Variants in UNC5C observed in about 807,000 individuals in gnomAD.
The protein encoded by UNC5C is netrin receptor UNC5C.
Under a neutral mutation model 99.8 loss-of-function variants are expected in UNC5C, and 47 were observed. The observed-to-expected ratio is 0.47, with a 90% CI of 0.37 to 0.60. The LOEUF (loss-of-function observed/expected upper bound fraction) is 0.60. UNC5C is among the 20% of genes least tolerant of loss of function. The pLI, the probability that UNC5C is intolerant of heterozygous loss-of-function variation, is 0.00. For synonymous variants in UNC5C, 487 were observed against 452.2 expected, an observed-to-expected ratio of 1.08 and a Z score of -0.98; for missense variants, 1,062 against 1,165.9, an observed-to-expected ratio of 0.91 and a Z score of 1.30.
At position 95,360,637 on chromosome 4, in the gene UNC5C, A is replaced by G. The variant is rs571008631; in HGVS notation, c.125-25006T>C. Among the ~76,000 whole-genome samples the G allele has an allele frequency of 7.2e-5, 11 of 152,308 alleles. No individual in the cohort carries two copies. The South Asian group carries it at 2.3e-3, about 32-fold the overall frequency. On this transcript the variant is annotated intron_variant, in intron 1 of 15. Coordinates refer to ENST00000453304, the MANE Select transcript of UNC5C (RefSeq NM_003728.4). ...TAGTGTGCTTCTTCAGAATATCTAC[A>G]ATACAAAACAATGATTATGAGCTAA...
chr4:95,503,511 T>C (rs1347451891), intron 1 of UNC5C, among the ~76,000 whole-genome samples: 2 of 152,282 alleles, frequency 1.3e-5, no homozygotes, highest in East Asian at 3.9e-4. Flanking sequence ...TTGTAATTTA[T>C]TGTCTATTAG....
At chr4:95,468,324 CT>C (rs1336922819) in intron 1 of UNC5C, among the ~76,000 whole-genome samples, 1 of 152,020 alleles carries the variant, frequency 6.6e-6, no homozygotes, top group South Asian at 2.1e-4. Flanking sequence ...TCTTCTCTGT[CT>C]TTTTTTATTA....
chr4:95,475,653 GC>G (rs1748122906), intron 1 of UNC5C, among the ~76,000 whole-genome samples: 1 of 152,010 alleles, frequency 6.6e-6, no homozygotes, highest in African/African-American at 2.4e-5. Flanking sequence ...TAAGTCCATT[GC>G]CCCTTTAAAC....
intron 1 of UNC5C, among the ~76,000 whole-genome samples, chr4:95,507,564 G>A (rs1205030839): frequency 9.9e-5 from 15 of 151,888 alleles, no homozygotes; most frequent in African/African-American, 3.1e-4. Context: ...AGCACTTAGC[G>A]GATCCCAAGA....
At chr4:95,376,112 G>A (rs1314855020) in intron 1 of UNC5C, among the ~76,000 whole-genome samples, 2 of 151,710 alleles carry the variant, frequency 1.3e-5, no homozygotes, top group African/African-American at 2.4e-5. Context: ...CAGAATCAAT[G>A]TTTGATTCAT....
At chr4:95,288,094 A>ATTTATTTAT (rs1347362179) in intron 3 of UNC5C, among the ~76,000 whole-genome samples, 1 of 151,160 alleles carries the variant, frequency 6.6e-6, no homozygotes, top group Admixed American at 6.6e-5. Context: ...TTATTTATTT[A>ATTTATTTAT]TTTTTTGAGA....
chr4:95,245,655 TA>T (rs1295922166), intron 5 of UNC5C, among the ~76,000 whole-genome samples: 1 of 152,170 alleles, frequency 6.6e-6, no homozygotes, highest in African/African-American at 2.4e-5. Context: ...GGTTAAAAAA[TA>T]AAATCTTACA....
chr4:95,409,197 C>T (rs1440527259), intron 1 of UNC5C, among the ~76,000 whole-genome samples: 2 of 152,152 alleles, frequency 1.3e-5, no homozygotes, highest in African/African-American at 4.8e-5. Context: ...AAATAACAAG[C>T]ATTACTATTC....
At position 95,234,375 on chromosome 4, in the gene UNC5C, G is replaced by A. The variant is rs551462848; in HGVS notation, c.1108+8054C>T. 4.5e-3 allele frequency among the ~76,000 whole-genome samples: 549 copies of A among 122,556 alleles called. 2 individuals carry two copies. Among genetic ancestry groups the A allele is most frequent in the Middle Eastern group, 0.014 (4 of 276 alleles). 80.4% of individuals were successfully genotyped at this position (122,556 alleles called of 152,430 possible). A position where few individuals can be genotyped will look rare whatever the true frequency, so the allele number is the denominator to read the frequency against. On this transcript the variant is annotated intron_variant, in intron 7 of 15. Transcript: ENST00000453304. ...TCAATAGCAACAAACACGCCAAATC[G>A]CTTACCTTTTTTTTATTATACTTTA...
At chr4:95,305,349 G>T (rs1323224516) in intron 2 of UNC5C, among the ~76,000 whole-genome samples, 1 of 152,152 alleles carries the variant, frequency 6.6e-6, no homozygotes, top group Non-Finnish European at 1.5e-5. Context: ...ATGAGAGTTT[G>T]TTCATCAGAC....
At position 95,435,032 on chromosome 4, in the gene UNC5C, T is replaced by C. The variant is rs75927310; in HGVS notation, c.125-99401A>G. 9.2e-3 allele frequency among the ~76,000 whole-genome samples: 1,405 copies of C among 152,198 alleles called. 14 individuals are homozygous for C. Among genetic ancestry groups the C allele is most frequent in the African/African-American group, 0.031 (1,281 of 41,544 alleles). ...TGTCCCACACTTTCATTTGCTCCCT[T>C]AAATATATTCATTCATTAAATGAAT... On this transcript the variant is annotated intron_variant, in intron 1 of 15. Coordinates refer to ENST00000453304, the MANE Select transcript of UNC5C (RefSeq NM_003728.4).
chr4:95,245,081 T>A lies in UNC5C; in HGVS notation c.839A>T (p.Tyr280Phe). 1 of 1,614,130 alleles carries A rather than the reference T, an allele frequency of 6.2e-7. No individual in the cohort carries two copies. Among genetic ancestry groups the A allele is most frequent in the African/African-American group, 1.3e-5 (1 of 75,030 alleles). Reference sequence around the variant, plus strand: ...GGTACAAGTCCTTGTACGTTTCTGATACCCTCGTCCACAGCGGCTGTTACA... The same window carrying A: ...GGTACAAGTCCTTGTACGTTTCTGAAACCCTCGTCCACAGCGGCTGTTACA... Reference protein sequence around the residue: ...SVCNSRCGRGYQKRTRTCTNP... With the variant: ...SVCNSRCGRGFQKRTRTCTNP... Residue 280 changes from tyrosine to phenylalanine, a missense_variant, in exon 6 of 16, where the codon TAT becomes TTT. Physicochemically the swap from Tyr to Phe is conservative, Grantham distance 22 (BLOSUM62 3). Around this residue, in one of 3 missense-constraint regions of UNC5C, gnomAD observed 810 missense variants for 854.5 expected, o/e 0.95. Transcript: ENST00000453304.
intron 1 of UNC5C, among the ~76,000 whole-genome samples, chr4:95,441,192 C>T (rs981169197): frequency 2.0e-5 from 3 of 152,120 alleles, no homozygotes; most frequent in African/African-American, 7.2e-5. Context: ...TATACAAGGA[C>T]AATTTCAATG....
At chr4:95,460,197 G>T (rs200505735) in intron 1 of UNC5C, among the ~76,000 whole-genome samples, 167 of 137,374 alleles carry the variant, frequency 1.2e-3, no homozygotes, top group Non-Finnish European at 1.8e-3. Flanking sequence ...TCCATGTGGT[G>T]TTTTTTTTTT....
intron 1 of UNC5C, among the ~76,000 whole-genome samples, chr4:95,517,705 G>A (rs547539297): frequency 6.6e-6 from 1 of 152,062 alleles, no homozygotes; most frequent in Non-Finnish European, 1.5e-5. Context: ...CAAAAAACGG[G>A]ATACCAATAA....
intron 1 of UNC5C, among the ~76,000 whole-genome samples, chr4:95,379,921 G>A (rs1170553360): frequency 6.6e-6 from 1 of 152,160 alleles, no homozygotes; most frequent in East Asian, 1.9e-4. Flanking sequence ...GCTTGTAGGT[G>A]TGTTAAGACA....
intron 14 of UNC5C, among the ~76,000 whole-genome samples, chr4:95,178,931 A>C (rs372493485): frequency 1.3e-5 from 2 of 152,344 alleles, no homozygotes; most frequent in South Asian, 4.1e-4. Flanking sequence ...ACAGCCTTGA[A>C]AGTTAAAGTA....
chr4:95,298,304 C>T lies in UNC5C; in HGVS notation c.490+3302G>A, dbSNP rs893829738. On this transcript the variant is annotated intron_variant, in intron 3 of 15. Transcript: ENST00000453304. Reference sequence around the variant, plus strand: ...TCCAGCCTGGTGACAGAATGAGACCCCCATCTCAAAAATCAAACAAACAAA... The same window carrying T: ...TCCAGCCTGGTGACAGAATGAGACCTCCATCTCAAAAATCAAACAAACAAA... 2.0e-5 allele frequency among the ~76,000 whole-genome samples: 3 copies of T among 152,038 alleles called. No individual in the cohort carries two copies. In the South Asian group the frequency reaches 6.2e-4, roughly 32 times the overall value.
chr4:95,490,392 C>T (rs1721448818), intron 1 of UNC5C, among the ~76,000 whole-genome samples: 1 of 151,588 alleles, frequency 6.6e-6, no homozygotes, highest in Non-Finnish European at 1.5e-5. Context: ...TAGCTGCTCC[C>T]ATTGTGAACT....
Sources: gnomAD v4.1 joint callset for allele counts (sites outside exome capture counted in the v4.1 genomes callset) on GRCh38, gnomAD v4.1.1 for gene constraint, gnomAD v4.1.1 regional missense constraint, MANE v1.5 for transcripts, NCBI Gene and HGNC (gene_info 2026-07-23, HGNC 2026-07-21) for gene names.